Variants in HEXD observed in about 807,000 individuals in gnomAD.
HEXD encodes hexosaminidase D.
In HEXD, 47 loss-of-function variants were observed where a neutral mutation model predicts 54.2. The observed-to-expected ratio is 0.87, with a 90% CI of 0.69 to 1.11. The LOEUF (loss-of-function observed/expected upper bound fraction) is 1.11. Among genes scored for constraint, HEXD ranks in the 50% least tolerant of loss-of-function variants. HEXD has a pLI of 0.00. For missense variants in HEXD, 576 were observed against 649.2 expected (o/e 0.89, Z 1.23); for synonymous variants, 293 against 287.6 (o/e 1.02, Z -0.19).
chr17:82,432,718 G>T (rs2053606975), intron 4 of HEXD, among the ~76,000 whole-genome samples: 1 of 151,888 alleles, frequency 6.6e-6, no homozygotes, highest in African/African-American at 2.4e-5. Context: ...CTGGACCACA[G>T]GCAGGTGCCA....
chr17:82,442,414 T>C lies in HEXD; in HGVS notation c.*30T>C, dbSNP rs969610190. 1 of 1,609,650 alleles carries C rather than the reference T, an allele frequency of 6.2e-7. No homozygotes were observed. Among genetic ancestry groups the C allele is most frequent in the Non-Finnish European group, 8.5e-7 (1 of 1,177,340 alleles). On this transcript the variant is annotated 3_prime_UTR_variant, in exon 13 of 13. Transcript: ENST00000327949. This position sits in a 1 kb window ranked among gnomAD's most constrained non-coding sequence, Gnocchi z 6.8. ...AGAGCTCATGCCAGGGGGCTCCTGC[T>C]GGAGGCTGGGGGGGCTCTGCACTGC... is the stretch of plus-strand genomic sequence containing the variant.
At chr17:82,433,128 ATTTTTTTTTTTTT>A (rs758489285) in intron 4 of HEXD, among the ~76,000 whole-genome samples, 1,124 of 12,976 alleles carry the variant, frequency 0.087, 169 homozygotes, top group Middle Eastern at 0.29. Flanking sequence ...ATATATATAT[ATTTTTTTTTTTTT>A]TTTATATATA....
Position 82,437,157 on chromosome 17 carries a change from T to C in HEXD, c.704-11T>C. The stretch of plus-strand genomic sequence containing the variant: ...CCCTGGAGCCACTCACCTGTTTGCT[T>C]TCTCACCCAGTCCTCCTCATGCAGA... On this transcript the variant is annotated splice_polypyrimidine_tract_variant and intron_variant, in intron 7 of 12. Transcript: ENST00000327949. 1 of 1,568,576 alleles carries C rather than the reference T, an allele frequency of 6.4e-7. No homozygotes were observed. The highest frequency in any genetic ancestry group is 8.7e-7 in the Non-Finnish European group (1 of 1,151,288).
At chr17:82,429,007 C>G (rs1015361081) in intron 4 of HEXD, among the ~76,000 whole-genome samples, 1 of 152,148 alleles carries the variant, frequency 6.6e-6, no homozygotes, top group Non-Finnish European at 1.5e-5. Context: ...CAGTAGTAAT[C>G]CCAGCACTTT....
Position 82,439,645 on chromosome 17 carries a change from C to T in HEXD, c.914C>T (p.Ser305Phe), listed in dbSNP as rs1337855533. 4 of 1,583,510 alleles carry T rather than the reference C, an allele frequency of 2.5e-6. No homozygotes were observed. In the African/African-American group the frequency reaches 5.4e-5, roughly 21 times the overall value. ...LTGWQRYDHY[S>F]VLCELLPAGV... Reference sequence around the variant, plus strand: ...CATGGACCCAGGTACGACCACTACTCTGTGCTGTGCGAGCTGCTGCCCGCA... The same window carrying T: ...CATGGACCCAGGTACGACCACTACTTTGTGCTGTGCGAGCTGCTGCCCGCA... Residue 305 changes from serine to phenylalanine, a missense_variant, in exon 9 of 13, where the codon TCT (serine) becomes TTT (phenylalanine). Ser to Phe is a radical substitution (Grantham distance 155). Transcript: ENST00000327949.
At chr17:82,437,385 C>A in intron 8 of HEXD, 22 bp downstream of exon 8, 1 of 1,557,688 alleles carries the variant, frequency 6.4e-7, no homozygotes, top group Non-Finnish European at 8.7e-7. Flanking sequence ...CCAGTCTGTC[C>A]TCAGAGGGTC....
chr17:82,440,897 G>T (rs755080995), intron 9 of HEXD, 100 bp from the exon 10 acceptor site: 6 of 1,375,138 alleles, frequency 4.4e-6, no homozygotes, highest in Non-Finnish European at 6.1e-6. Flanking sequence ...CTCCATTGCC[G>T]CCCGCCCACT....
At position 82,438,237 on chromosome 17, in the gene HEXD, C is replaced by CA. The variant is rs58464958; in HGVS notation, c.899+886dup. Among the ~76,000 whole-genome samples, 686 of 139,102 alleles carry CA rather than the reference C, an allele frequency of 4.9e-3. 9 individuals carry two copies. The highest frequency in any genetic ancestry group is 0.016 in the African/African-American group (593 of 37,876). The allele number at this position is 139,102 out of a possible 152,430, so 91.3% of individuals were successfully genotyped here. On this transcript the variant is annotated intron_variant, in intron 8 of 12. Transcript: ENST00000327949. ...TGGGCGACAGAGCAAAACTCTGTCT[C>CA]AAAAAAAAAAAATGTATTACTCTAT...
intron 9 of HEXD, chr17:82,440,750 G>A (rs929564720): frequency 3.7e-6 from 2 of 537,768 alleles, no homozygotes; most frequent in Non-Finnish European, 6.6e-6. Flanking sequence ...GTTGCTGCTG[G>A]CAACACAGTC....
chr17:82,441,771 C>T (rs370795985), intron 11 of HEXD, 29 bp from the exon 12 acceptor site: 25 of 1,590,702 alleles, frequency 1.6e-5, no homozygotes, highest in East Asian at 2.2e-5. Context: ...TGGTAGCCCG[C>T]GGCACACCCC....
intron 6 of HEXD, among the ~76,000 whole-genome samples, 156 bp downstream of exon 6, chr17:82,436,028 C>T (rs1162685173): frequency 1.3e-5 from 2 of 152,266 alleles, no homozygotes; most frequent in Non-Finnish European, 2.9e-5. Context: ...TGACGCCAGG[C>T]CTGAGTCGTT....
chr17:82,442,472 C>T lies in HEXD; in HGVS notation c.*88C>T, dbSNP rs1239971552. The T allele has an allele frequency of 5.0e-6, 8 of 1,606,150 alleles. No homozygotes were observed. Among genetic ancestry groups the T allele is most frequent in the Admixed American group, 3.3e-5 (2 of 59,922 alleles). On this transcript the variant is annotated 3_prime_UTR_variant, in exon 13 of 13. Transcript: ENST00000327949. The surrounding 1 kb of genome is among the most constrained non-coding windows in gnomAD (Gnocchi z 6.8). Reference sequence around the variant, plus strand: ...CCTGGGCAATACGGGCCCACGTGGGCGTCGTGCCCTCTGGCCCAGCAGTGT... The same window carrying T: ...CCTGGGCAATACGGGCCCACGTGGGTGTCGTGCCCTCTGGCCCAGCAGTGT...
At position 82,434,810 on chromosome 17, in the gene HEXD, C is replaced by T. The variant is rs2053713116; in HGVS notation, c.448-879C>T. On this transcript the variant is annotated intron_variant, in intron 5 of 12. Transcript: ENST00000327949. This position sits in a 1 kb window ranked among gnomAD's most constrained non-coding sequence, Gnocchi z 4.5. ...CTGAGATCACGCCACTGCATACCAG[C>T]CTGGGCAACAGAGTGAGACTCCGGC... Among the ~76,000 whole-genome samples, 1 of 151,288 alleles carries T rather than the reference C, an allele frequency of 6.6e-6. No individual in the cohort carries two copies. The highest frequency in any genetic ancestry group is 2.4e-5 in the African/African-American group (1 of 41,070).
At chr17:82,433,089 A>T (rs1260458028) in intron 4 of HEXD, among the ~76,000 whole-genome samples, 12 of 15,054 alleles carry the variant, frequency 8.0e-4, no homozygotes, top group Non-Finnish European at 6.6e-4. Flanking sequence ...AAAAAAAAAA[A>T]AAATATATAT....
intron 4 of HEXD, 111 bp from the exon 5 acceptor site, chr17:82,433,547 G>A (rs980498941): frequency 9.1e-7 from 1 of 1,102,744 alleles, no homozygotes; most frequent in East Asian, 3.0e-5. Flanking sequence ...CTCTCTGCCT[G>A]GCCTAATTTT....
rs774694330 is a variant in HEXD, at chr17:82,424,482, T to C, written c.173T>C (p.Leu58Pro). 1.2e-6 allele frequency: 2 copies of C among 1,612,684 alleles called. No homozygotes were observed. The highest frequency in any genetic ancestry group is 2.2e-5 in the South Asian group (2 of 91,048). The part of the protein sequence containing the change: ...MFPYEGPLRL[L>P]RAKYAYSPSE... The stretch of plus-strand genomic sequence containing the variant: ...CCCTACGAGGGCCCTCTGAGGCTGC[T>C]GAGGGCCAAGTACGCCTACAGGTAA... The change falls in exon 3 of 13, where the codon CTG (leucine) becomes CCG (proline). Residue 58 changes from leucine to proline, a missense_variant. Transcript: ENST00000327949.
At chr17:82,437,694 CTCTGTTGCTAGAAATGCCGTCTCAAT>C (rs1156973886) in intron 8 of HEXD, among the ~76,000 whole-genome samples, 2 of 152,124 alleles carry the variant, frequency 1.3e-5, no homozygotes, top group African/African-American at 4.8e-5. Flanking sequence ...CAGGATTTCA[CTCTGTTGCTAGAAATGCCGTCTCAAT>C]TCGGACCCCA....
intron 4 of HEXD, among the ~76,000 whole-genome samples, chr17:82,432,172 G>T (rs1370568286): frequency 6.6e-6 from 1 of 152,180 alleles, no homozygotes; most frequent in African/African-American, 2.4e-5. Context: ...TGTGGGCGGT[G>T]GGGGGTGCAT....
intron 2 of HEXD, among the ~76,000 whole-genome samples, chr17:82,422,026 C>T (rs777958917): frequency 3.3e-5 from 5 of 151,696 alleles, no homozygotes; most frequent in Non-Finnish European, 7.4e-5. Context: ...AAATTAGCCC[C>T]GTGTGGTGGC....
Sources: allele counts gnomAD v4.1 joint callset (sites outside exome capture counted in the v4.1 genomes callset), GRCh38; gene constraint gnomAD v4.1.1; non-coding constraint Gnocchi (gnomAD v3.1); transcripts MANE v1.5; gene names NCBI Gene and HGNC (gene_info 2026-07-23, HGNC 2026-07-21).